FSD1L: variants seen among roughly 807,000 people sequenced by gnomAD.
The protein encoded by FSD1L is FSD1-like protein.
A neutral mutation model predicts 71.6 loss-of-function variants in FSD1L; 45 were observed. The ratio of observed to expected loss-of-function variants is 0.63; its 90% CI spans 0.49 to 0.81. The LOEUF (loss-of-function observed/expected upper bound fraction) is 0.81. Ranked by LOEUF, FSD1L falls within the 30% of genes least tolerant of loss-of-function variation. The probability of loss-of-function intolerance (pLI) is 0.00; values close to 1 mark genes in which losing one functional copy is unlikely to be tolerated. For missense variants in FSD1L, 561 were observed against 618.1 expected (o/e 0.91, Z 0.98); for synonymous variants, 197 against 207.2 (o/e 0.95, Z 0.42).
At chr9:105,520,949 C>G in intron 10 of FSD1L, 3 of 1,611,750 alleles carry the variant, frequency 1.9e-6, no homozygotes, top group Non-Finnish European at 2.5e-6. Context: ...ACAAAGAAAA[C>G]CAAGAAAGGG....
chr9:105,461,928 C>T (rs1390205995), intron 2 of FSD1L, among the ~76,000 whole-genome samples: 3 of 150,280 alleles, frequency 2.0e-5, no homozygotes, highest in African/African-American at 7.4e-5. Context: ...GATTGTGTCA[C>T]TGCACTCCCA....
At chr9:105,532,852 A>T (rs892493808) in intron 10 of FSD1L, among the ~76,000 whole-genome samples, 25 of 152,240 alleles carry the variant, frequency 1.6e-4, no homozygotes, top group African/African-American at 6.0e-4. Flanking sequence ...AAAAGGAGAC[A>T]GTTGAAGTGG....
chr9:105,522,837 C>T, intron 10 of FSD1L: 1 of 1,611,642 alleles, frequency 6.2e-7, no homozygotes, highest in Non-Finnish European at 8.5e-7. Context: ...AGGAAGTAGT[C>T]CAGGCAGCCT....
chr9:105,451,084 C>T (rs1191804092), intron 1 of FSD1L, among the ~76,000 whole-genome samples: 9 of 151,672 alleles, frequency 5.9e-5, no homozygotes, highest in Non-Finnish European at 1.0e-4. Context: ...CTCAGCCTCC[C>T]GAGTAGCTGG....
chr9:105,523,030 A>G lies in FSD1L; in HGVS notation c.1025+10094A>G, dbSNP rs932842394. The stretch of plus-strand genomic sequence containing the variant: ...CAATATGATGGCCAAAAATTTGACA[A>G]TTTTGGCTTTGGAGCCGACACTGGG... On this transcript the variant is annotated intron_variant, in intron 10 of 13. Transcript: ENST00000481272. The G allele has an allele frequency of 1.5e-5, 24 of 1,613,992 alleles. No homozygotes were observed. In the East Asian group the frequency reaches 3.1e-4, roughly 21 times the overall value.
chr9:105,463,981 G>A (rs1377030925), intron 2 of FSD1L, among the ~76,000 whole-genome samples: 1 of 152,060 alleles, frequency 6.6e-6, no homozygotes, highest in African/African-American at 2.4e-5. Flanking sequence ...AAGTTAAACT[G>A]ATCATTTTCA....
chr9:105,451,043 TCCA>T (rs1829964271), intron 1 of FSD1L, among the ~76,000 whole-genome samples: 1 of 151,998 alleles, frequency 6.6e-6, no homozygotes, highest in Admixed American at 6.6e-5. Context: ...CACTGCAAGC[TCCA>T]CCTCCCAGGT....
Position 105,512,440 on chromosome 9 carries a change from T to G in FSD1L, c.896-367T>G, listed in dbSNP as rs1280151836. On this transcript the variant is annotated intron_variant, in intron 9 of 13. Coordinates refer to ENST00000481272, the MANE Select transcript of FSD1L (RefSeq NM_001145313.3). ...ATGTAATTTTATCCTTCTCCTTAAT[T>G]CTTCCAGTTCCCCTTCCTATTTAGT... 2.6e-5 allele frequency among the ~76,000 whole-genome samples: 4 copies of G among 152,270 alleles called. No homozygotes were observed. In the East Asian group the frequency reaches 7.7e-4, roughly 29 times the overall value.
At chr9:105,461,638 G>T in intron 2 of FSD1L, 23 bp downstream of exon 2, 1 of 1,419,768 alleles carries the variant, frequency 7.0e-7, no homozygotes, top group Admixed American at 2.0e-5. Flanking sequence ...TAAAGGAGCA[G>T]AGGTTTTAAC....
At chr9:105,485,805 G>C (rs1414290372) in intron 7 of FSD1L, among the ~76,000 whole-genome samples, 2 of 151,846 alleles carry the variant, frequency 1.3e-5, no homozygotes, top group Non-Finnish European at 2.9e-5. Context: ...CACCAAGCCT[G>C]GCTAATTTTC....
chr9:105,533,416 C>CTTTTTTTTTTCTTT (rs1836035759), intron 10 of FSD1L, among the ~76,000 whole-genome samples: 1 of 29,070 alleles, frequency 3.4e-5, no homozygotes, highest in Non-Finnish European at 6.0e-5. Context: ...CCATTTCCAT[C>CTTTTTTTTTTCTTT]TTTTTTTTTT....
Position 105,483,835 on chromosome 9 carries a change from TTC to T in FSD1L, c.465-540_465-539del, listed in dbSNP as rs1028986655. Among the ~76,000 whole-genome samples, 7 of 152,162 alleles carry T rather than the reference TTC, an allele frequency of 4.6e-5. No homozygotes were observed. The East Asian group carries it at 7.7e-4, about 17-fold the overall frequency. ...TGGTATTCATTGATAGTGATTTCACTTCTCTCTTTTCTTATCCATGGCCTATC... is the reference window on the plus strand; with the variant it reads ...TGGTATTCATTGATAGTGATTTCACTTCTCTTTTCTTATCCATGGCCTATC... On this transcript the variant is annotated intron_variant, in intron 6 of 13. Transcript: ENST00000481272.
intron 10 of FSD1L, among the ~76,000 whole-genome samples, chr9:105,528,902 C>T (rs1835700537): frequency 6.6e-6 from 1 of 152,052 alleles, no homozygotes; most frequent in Non-Finnish European, 1.5e-5. Flanking sequence ...GGCTAATATC[C>T]AGAATCTACA....
At chr9:105,461,786 G>T (rs754151362) in intron 2 of FSD1L, among the ~76,000 whole-genome samples, 171 bp downstream of exon 2, 6 of 152,144 alleles carry the variant, frequency 3.9e-5, no homozygotes, top group Non-Finnish European at 8.8e-5. Context: ...AGCTGAGGTG[G>T]GAGGATTGCT....
At chr9:105,452,624 C>G (rs1050389371) in intron 1 of FSD1L, among the ~76,000 whole-genome samples, 1 of 136,288 alleles carries the variant, frequency 7.3e-6, no homozygotes. Flanking sequence ...TGTGGGCGCT[C>G]GCTCGCCTGC....
intron 10 of FSD1L, among the ~76,000 whole-genome samples, chr9:105,527,498 A>C (rs547497971): frequency 1.3e-5 from 2 of 152,248 alleles, no homozygotes; most frequent in South Asian, 4.1e-4. Context: ...GTATTTTCTT[A>C]CAGTAGATAA....
intron 5 of FSD1L, among the ~76,000 whole-genome samples, chr9:105,477,706 T>A (rs1023439898): frequency 5.3e-5 from 8 of 152,230 alleles, no homozygotes; most frequent in African/African-American, 1.9e-4. Flanking sequence ...CCAGCTTTAA[T>A]GATAGTAATT....
intron 2 of FSD1L, 45 bp from the exon 3 acceptor site, chr9:105,464,191 C>T: frequency 3.0e-6 from 3 of 983,956 alleles, no homozygotes; most frequent in Non-Finnish European, 3.1e-6. Context: ...AGTTTTGTAA[C>T]TCTTCCATTG....
At position 105,534,580 on chromosome 9, in the gene FSD1L, A is replaced by G. The variant is rs983410398; in HGVS notation, c.1113A>G (p.Ser371=). The G allele has an allele frequency of 1.6e-5, 25 of 1,536,474 alleles. No individual in the cohort carries two copies. The highest frequency in any genetic ancestry group is 1.4e-4 in the African/African-American group (10 of 72,792). ...GTAGAGATCGTTTTACTGGAGAATCATACACAGTGCTGGGTAGGACAAAAC... is the reference window on the plus strand; with the variant it reads ...GTAGAGATCGTTTTACTGGAGAATCGTACACAGTGCTGGGTAGGACAAAAC... ...RGSRDRFTGE[S]YTVLGDTAIE... Residue 371 remains serine (S), a synonymous_variant, in exon 11 of 14, where the codon TCA becomes TCG. Coordinates refer to ENST00000481272, the MANE Select transcript of FSD1L (RefSeq NM_001145313.3).
Sources: allele counts gnomAD v4.1 joint callset (sites outside exome capture counted in the v4.1 genomes callset), GRCh38; gene constraint gnomAD v4.1.1; transcripts MANE v1.5; gene names NCBI Gene and HGNC (gene_info 2026-07-23, HGNC 2026-07-21).